PAX5: variants seen among roughly 807,000 people sequenced by gnomAD.
The protein encoded by PAX5 is paired box 5, also known as paired box protein Pax-5.
Under a neutral mutation model 43.7 loss-of-function variants are expected in PAX5, and 9 were observed. The ratio of observed to expected loss-of-function variants is 0.21; its 90% CI spans 0.12 to 0.36. PAX5 has a LOEUF of 0.36. Among genes scored for constraint, PAX5 ranks in the 10% least tolerant of loss-of-function variants. PAX5 has a pLI of 1.00. For missense variants in PAX5, 383 were observed against 532.7 expected (o/e 0.72, Z 2.77); for synonymous variants, 228 against 214.3 (o/e 1.06, Z -0.56).
chr9:36,913,861 G>A (rs982366598), intron 7 of PAX5, among the ~76,000 whole-genome samples: 1 of 152,112 alleles, frequency 6.6e-6, no homozygotes, highest in Non-Finnish European at 1.5e-5. Flanking sequence ...GAGGGAAAAG[G>A]AGAGAGGTGG....
Position 36,991,108 on chromosome 9 carries a change from C to CA in PAX5, c.604+11539dup, listed in dbSNP as rs58025570. 2.5e-3 allele frequency among the ~76,000 whole-genome samples: 360 copies of CA among 142,916 alleles called. 3 individuals carry two copies. Among genetic ancestry groups the CA allele is most frequent in the African/African-American group, 6.4e-3 (245 of 38,098 alleles). The allele number at this position is 142,916 out of a possible 152,430, so 93.8% of individuals were successfully genotyped here. On this transcript the variant is annotated intron_variant, in intron 5 of 9. Coordinates refer to ENST00000358127, the MANE Select transcript of PAX5 (RefSeq NM_016734.3). Reference sequence around the variant, plus strand: ...TGGGCGGTAGAGCCAGACCTTGTCTCAAAAAAAAAAAAAAAAAAAATTCCA... The same window carrying CA: ...TGGGCGGTAGAGCCAGACCTTGTCTCAAAAAAAAAAAAAAAAAAAAATTCCA...
chr9:37,003,350 C>T (rs1170436404), intron 4 of PAX5, among the ~76,000 whole-genome samples: 2 of 151,922 alleles, frequency 1.3e-5, no homozygotes. Context: ...TTCCAGTTTC[C>T]CCCGATTTGA....
intron 6 of PAX5, among the ~76,000 whole-genome samples, chr9:36,951,029 A>T (rs1352924328): frequency 6.6e-6 from 1 of 152,162 alleles, no homozygotes. Flanking sequence ...GGCGTGAGCC[A>T]CTGCATGAAT....
chr9:37,023,216 A>G (rs1008727433), intron 1 of PAX5, among the ~76,000 whole-genome samples: 1 of 152,216 alleles, frequency 6.6e-6, no homozygotes, highest in African/African-American at 2.4e-5. Flanking sequence ...GAATAGGCCA[A>G]GAAAAGAAAG....
intron 6 of PAX5, among the ~76,000 whole-genome samples, chr9:36,963,145 A>C (rs1394502702): frequency 6.6e-6 from 1 of 152,248 alleles, no homozygotes; most frequent in Non-Finnish European, 1.5e-5. Context: ...TCATTAAAAC[A>C]CATTACAGGG....
chr9:36,920,214 T>C (rs1489602288), intron 7 of PAX5, among the ~76,000 whole-genome samples: 2 of 152,228 alleles, frequency 1.3e-5, no homozygotes. Flanking sequence ...ATAAACTTAG[T>C]TGGTAGGGTA....
At chr9:36,938,338 AAC>A (rs1329962669) in intron 6 of PAX5, among the ~76,000 whole-genome samples, 1 of 152,208 alleles carries the variant, frequency 6.6e-6, no homozygotes, top group East Asian at 1.9e-4. Flanking sequence ...CATGTAAACA[AAC>A]ACACGTCTAA....
intron 6 of PAX5, among the ~76,000 whole-genome samples, chr9:36,962,809 A>G (rs1484273578): frequency 6.6e-6 from 1 of 152,206 alleles, no homozygotes; most frequent in East Asian, 1.9e-4. Context: ...CCACAGAGAC[A>G]CACACTGAGA....
At chr9:36,975,303 G>A (rs1835318958) in intron 5 of PAX5, among the ~76,000 whole-genome samples, 2 of 152,172 alleles carry the variant, frequency 1.3e-5, no homozygotes, top group African/African-American at 4.8e-5. Flanking sequence ...CAGTGGGGAA[G>A]CCTAGGCACT....
At chr9:37,010,052 A>C (rs1164678323) in intron 3 of PAX5, among the ~76,000 whole-genome samples, 1 of 152,228 alleles carries the variant, frequency 6.6e-6, no homozygotes, top group East Asian at 1.9e-4. Flanking sequence ...ATCAGCTTAC[A>C]CTGAGAAGAA....
chr9:36,888,420 A>G (rs1827085611), intron 7 of PAX5, among the ~76,000 whole-genome samples: 2 of 152,268 alleles, frequency 1.3e-5, no homozygotes, highest in Admixed American at 1.3e-4. Flanking sequence ...CATACAATGG[A>G]ATATTTGGCA....
In PAX5 at chr9:36,834,777, G is replaced by C; in HGVS notation, c.*5783C>G. 4.3e-6 allele frequency: 1 copy of C among 232,158 alleles called. No homozygotes were observed. The highest frequency in any genetic ancestry group is 5.7e-5 in the Admixed American group (1 of 17,692). The allele number at this position is 232,158 out of a possible 1,614,324, so 14.4% of individuals were successfully genotyped here. A position where few individuals can be genotyped will look rare whatever the true frequency, so the allele number is the denominator to read the frequency against. On this transcript the variant is annotated 3_prime_UTR_variant, in exon 10 of 10. Coordinates refer to ENST00000358127, the MANE Select transcript of PAX5 (RefSeq NM_016734.3). ...TAATGATGCTTTTGGAGAAGATGAG[G>C]GACGTGGCCACAGGCATGGTGATTT...
chr9:36,885,162 G>T (rs1265730344), intron 7 of PAX5, among the ~76,000 whole-genome samples: 1 of 152,184 alleles, frequency 6.6e-6, no homozygotes, highest in Non-Finnish European at 1.5e-5. Context: ...AATTGCTCCA[G>T]TGTTCCAGGC....
chr9:36,923,859 T>C (rs1830382242), intron 6 of PAX5, among the ~76,000 whole-genome samples: 1 of 152,218 alleles, frequency 6.6e-6, no homozygotes, highest in South Asian at 2.1e-4. Context: ...AAGTGTCTTC[T>C]TGCCAAGAGA....
intron 7 of PAX5, among the ~76,000 whole-genome samples, chr9:36,901,158 C>T (rs150229434): frequency 2.4e-4 from 37 of 152,242 alleles, no homozygotes; most frequent in South Asian, 1.2e-3. Flanking sequence ...CCTGGAGAGT[C>T]GACTCTCCTC....
chr9:37,030,371 A>T (rs531112018), intron 1 of PAX5, among the ~76,000 whole-genome samples: 1 of 152,272 alleles, frequency 6.6e-6, no homozygotes, highest in East Asian at 1.9e-4. Flanking sequence ...AGGTTACGTG[A>T]CTAGCTCGAG....
intron 5 of PAX5, among the ~76,000 whole-genome samples, chr9:36,976,808 G>A (rs1835473939): frequency 6.6e-6 from 1 of 152,228 alleles, no homozygotes; most frequent in Non-Finnish European, 1.5e-5. Context: ...GTCAGTGTGG[G>A]AAAGGCCCCA....
chr9:36,979,447 C>T (rs975529246), intron 5 of PAX5, among the ~76,000 whole-genome samples: 3 of 152,174 alleles, frequency 2.0e-5, no homozygotes, highest in Admixed American at 6.5e-5. Flanking sequence ...ATTACACTGG[C>T]AAGTGTGCAT....
At chr9:36,965,509 T>A (rs1031613907) in intron 6 of PAX5, among the ~76,000 whole-genome samples, 15 of 152,344 alleles carry the variant, frequency 9.8e-5, no homozygotes, top group Admixed American at 8.5e-4. Context: ...CATAGATGGG[T>A]GGCCCCAGAG....
Sources: allele counts gnomAD v4.1 joint callset (sites outside exome capture counted in the v4.1 genomes callset), GRCh38; gene constraint gnomAD v4.1.1; transcripts MANE v1.5; gene names NCBI Gene and HGNC (gene_info 2026-07-23, HGNC 2026-07-21).